The following GPR158 variants were observed in gnomAD, a reference collection of about 807,000 sequenced individuals.
GPR158 encodes G protein-coupled receptor 158.
Under a neutral mutation model 78.2 loss-of-function variants are expected in GPR158, and 30 were observed. That is an observed-to-expected ratio of 0.38 (90% CI 0.29 to 0.52). The LOEUF is 0.52. Ranked by LOEUF, GPR158 falls within the 20% of genes least tolerant of loss-of-function variation. The pLI, the probability that GPR158 is intolerant of heterozygous loss-of-function variation, is 0.83. For missense variants in GPR158, 1,463 were observed against 1,523.5 expected, an observed-to-expected ratio of 0.96 and a Z score of 0.66; for synonymous variants, 581 against 591.1, an observed-to-expected ratio of 0.98 and a Z score of 0.25.
chr10:25,422,819 C>T (rs1564450999), intron 4 of GPR158, among the ~76,000 whole-genome samples: 1 of 151,294 alleles, frequency 6.6e-6, no homozygotes, highest in Non-Finnish European at 1.5e-5. Context: ...GCAGTGTACA[C>T]TGTACCTAAT....
At position 25,370,241 on chromosome 10, in the gene GPR158, T is replaced by G. The variant is rs887769232; in HGVS notation, c.1009-25670T>G. ...AATGTGTTTGCTCTTGCTTTTCTAG[T>G]TCTTTTAATTGTGATGTTAGGGTGT... On this transcript the variant is annotated intron_variant, in intron 2 of 10. Coordinates refer to ENST00000376351, the MANE Select transcript of GPR158 (RefSeq NM_020752.3). Among the ~76,000 whole-genome samples, 15 of 146,288 alleles carry G rather than the reference T, an allele frequency of 1.0e-4. No homozygotes were observed. The South Asian group carries it at 1.1e-3, about 11-fold the overall frequency.
chr10:25,504,920 A>G (rs1835991566), intron 5 of GPR158, among the ~76,000 whole-genome samples: 1 of 152,184 alleles, frequency 6.6e-6, no homozygotes, highest in African/African-American at 2.4e-5. Context: ...TGCGGAGTTG[A>G]GAGCATGAGC....
At chr10:25,418,124 G>C (rs541022687) in intron 4 of GPR158, among the ~76,000 whole-genome samples, 2 of 152,250 alleles carry the variant, frequency 1.3e-5, no homozygotes, top group East Asian at 1.9e-4. Context: ...AGAGTTCTCT[G>C]TTCTCAAATG....
At chr10:25,569,630 C>G (rs11818559) in intron 6 of GPR158, among the ~76,000 whole-genome samples, 2 of 152,146 alleles carry the variant, frequency 1.3e-5, no homozygotes, top group Non-Finnish European at 2.9e-5. Context: ...CTGTCCCTAC[C>G]TAAAGACACC....
At chr10:25,383,314 A>G (rs912127729) in intron 2 of GPR158, among the ~76,000 whole-genome samples, 30 of 152,182 alleles carry the variant, frequency 2.0e-4, no homozygotes, top group Non-Finnish European at 7.3e-5. Context: ...TGCTTTTTGA[A>G]TAAGGCTCAG....
chr10:25,274,296 C>T (rs184744444), intron 2 of GPR158, among the ~76,000 whole-genome samples: 1 of 152,258 alleles, frequency 6.6e-6, no homozygotes, highest in Admixed American at 6.5e-5. Context: ...TTTAGGTGGT[C>T]TTATCACATC....
chr10:25,581,212 G>A (rs1005657620), intron 7 of GPR158, among the ~76,000 whole-genome samples: 1 of 152,082 alleles, frequency 6.6e-6, no homozygotes, highest in Non-Finnish European at 1.5e-5. Flanking sequence ...ACAGGCTTGA[G>A]CCACCGCGCC....
At chr10:25,316,494 T>C (rs1397527663) in intron 2 of GPR158, among the ~76,000 whole-genome samples, 2 of 152,228 alleles carry the variant, frequency 1.3e-5, no homozygotes, top group Non-Finnish European at 2.9e-5. Flanking sequence ...TCACCTACTA[T>C]TGCATTGTGT....
At chr10:25,515,507 T>G (rs1167074240) in intron 5 of GPR158, among the ~76,000 whole-genome samples, 13 of 134,204 alleles carry the variant, frequency 9.7e-5, no homozygotes, top group Non-Finnish European at 1.4e-4. Context: ...CTCCCAGTGC[T>G]ATCCCTCCCC....
intron 5 of GPR158, among the ~76,000 whole-genome samples, chr10:25,495,295 C>CTTTTTTTTTTTTTTTTT (rs71399976): frequency 1.5e-4 from 14 of 91,104 alleles, no homozygotes; most frequent in South Asian, 8.7e-4. Flanking sequence ...TTCTTTTCTG[C>CTTTTTTTTTTTTTTTTT]TTTTTTTTTT....
intron 4 of GPR158, among the ~76,000 whole-genome samples, chr10:25,437,980 G>A (rs978236382): frequency 6.6e-6 from 1 of 152,222 alleles, no homozygotes; most frequent in East Asian, 1.9e-4. Context: ...CAATGCAGCA[G>A]GGAACCATGT....
intron 3 of GPR158, among the ~76,000 whole-genome samples, chr10:25,398,424 A>G (rs1834397094): frequency 3.3e-5 from 5 of 152,132 alleles, no homozygotes; most frequent in Admixed American, 3.3e-4. Flanking sequence ...TTCAACACTG[A>G]AAGATTAAGG....
intron 4 of GPR158, among the ~76,000 whole-genome samples, chr10:25,434,602 A>G (rs956165260): frequency 6.6e-6 from 1 of 152,236 alleles, no homozygotes; most frequent in African/African-American, 2.4e-5. Context: ...TATGAAAATG[A>G]TGTTGATACT....
chr10:25,551,644 C>T (rs2130713015), intron 6 of GPR158, among the ~76,000 whole-genome samples: 1 of 152,196 alleles, frequency 6.6e-6, no homozygotes, highest in African/African-American at 2.4e-5. Flanking sequence ...TCTAAACCAC[C>T]TAAATATTGG....
chr10:25,311,862 A>C (rs979334172), intron 2 of GPR158, among the ~76,000 whole-genome samples: 1 of 152,004 alleles, frequency 6.6e-6, no homozygotes, highest in Non-Finnish European at 1.5e-5. Context: ...GGATCTGTAC[A>C]GCTAAGAAAA....
At chr10:25,378,619 A>G (rs1834116837) in intron 2 of GPR158, among the ~76,000 whole-genome samples, 1 of 151,802 alleles carries the variant, frequency 6.6e-6, no homozygotes, top group Admixed American at 6.6e-5. Flanking sequence ...TTAGGCATAT[A>G]TATATATTGC....
chr10:25,356,170 G>A (rs1490550473), intron 2 of GPR158, among the ~76,000 whole-genome samples: 1 of 152,070 alleles, frequency 6.6e-6, no homozygotes, highest in African/African-American at 2.4e-5. Context: ...GGCAGAGTGG[G>A]GAGAGGGGCA....
chr10:25,241,369 T>TC (rs1564399782), intron 2 of GPR158, among the ~76,000 whole-genome samples: 3 of 85,344 alleles, frequency 3.5e-5, no homozygotes, highest in South Asian at 4.0e-4. Flanking sequence ...TCTCTTTTCT[T>TC]TTCTCTCTTC....
intron 2 of GPR158, among the ~76,000 whole-genome samples, chr10:25,360,032 A>G (rs1213641194): frequency 2.0e-5 from 3 of 151,922 alleles, no homozygotes; most frequent in Non-Finnish European, 4.4e-5. Flanking sequence ...GATTTTTTTC[A>G]TGTTTGTTGG....
Sources: allele counts gnomAD v4.1 joint callset (sites outside exome capture counted in the v4.1 genomes callset), GRCh38; gene constraint gnomAD v4.1.1; transcripts MANE v1.5; gene names NCBI Gene and HGNC (gene_info 2026-07-23, HGNC 2026-07-21).